Variants in PRUNE2 observed in about 807,000 individuals in gnomAD.
The protein encoded by PRUNE2 is prune homolog 2 with BCH domain, also known as protein prune homolog 2.
A neutral mutation model predicts 252.0 loss-of-function variants in PRUNE2; 164 were observed. The ratio of observed to expected loss-of-function variants is 0.65; its 90% CI spans 0.57 to 0.74. The LOEUF (loss-of-function observed/expected upper bound fraction) is 0.74, where lower values mean the gene tolerates loss of function less well. Ranked by LOEUF, PRUNE2 falls within the 30% of genes least tolerant of loss-of-function variation. PRUNE2 has a pLI of 0.00. For synonymous variants in PRUNE2, 1,292 were observed against 1,350.2 expected (o/e 0.96, Z 0.94); for missense variants, 3,495 against 3,711.0 (o/e 0.94, Z 1.51).
In PRUNE2 at chr9:76,705,110, C is replaced by A; in HGVS notation, c.7164G>T (p.Ser2388=). 2 of 1,613,980 alleles carry A rather than the reference C, an allele frequency of 1.2e-6. No homozygotes were observed. The highest frequency in any genetic ancestry group is 2.2e-5 in the East Asian group (1 of 44,880). ...CAAAGGGAGGTGTGTACGGTGCCAG[C>A]GACTGCTTCAGAGAATCTTCCTCCA... ...PPLEEDSLKQ[S]LAPYTPPFDL... The change falls in exon 8 of 19, where the codon TCG becomes TCT. Residue 2388 remains serine (S), a synonymous_variant. Coordinates refer to ENST00000376718, the MANE Select transcript of PRUNE2 (RefSeq NM_015225.3).
chr9:76,652,611 A>AGAT lies in PRUNE2; in HGVS notation c.8426_8428dup (p.Asn2809_Leu2810insHis), dbSNP rs773931687. 11 of 1,612,846 alleles carry AGAT rather than the reference A, an allele frequency of 6.8e-6. No homozygotes were observed. The African/African-American group carries it at 1.3e-4, about 20-fold the overall frequency. ...AGATCCTTCACTTTGGTCCAGAGAA[A>AGAT]GATTGATATTTGGGGCTGTGAGCTT... On this transcript the variant is annotated inframe_insertion, in exon 11 of 19. Coordinates refer to ENST00000376718, the MANE Select transcript of PRUNE2 (RefSeq NM_015225.3).
At chr9:76,812,718 G>A (rs552093708) in intron 6 of PRUNE2, among the ~76,000 whole-genome samples, 77 of 152,274 alleles carry the variant, frequency 5.1e-4, no homozygotes, top group Non-Finnish European at 9.3e-4. Flanking sequence ...GAATGTGACC[G>A]GAAGCAATTT....
At chr9:76,637,608 T>C in intron 13 of PRUNE2, 59 bp from the exon 14 acceptor site, 1 of 1,484,960 alleles carries the variant, frequency 6.7e-7, no homozygotes, top group Non-Finnish European at 9.3e-7. Flanking sequence ...ACACCATAAT[T>C]ACATAACATC....
intron 5 of PRUNE2, among the ~76,000 whole-genome samples, chr9:76,825,702 C>T (rs918997501): frequency 2.0e-5 from 3 of 152,198 alleles, no homozygotes; most frequent in Admixed American, 6.5e-5. Flanking sequence ...CAGACTGGGA[C>T]GTCAAAGCAC....
intron 6 of PRUNE2, among the ~76,000 whole-genome samples, chr9:76,806,903 T>A (rs2131650051): frequency 6.6e-6 from 1 of 152,128 alleles, no homozygotes; most frequent in African/African-American, 2.4e-5. Context: ...TATGATGCCA[T>A]TTCAAAGACG....
intron 4 of PRUNE2, among the ~76,000 whole-genome samples, chr9:76,845,201 T>C (rs537573087): frequency 6.6e-6 from 1 of 152,308 alleles, no homozygotes; most frequent in South Asian, 2.1e-4. Context: ...GCCAATGTAT[T>C]TGTTTCATAT....
chr9:76,676,270 A>AT (rs5898498), intron 9 of PRUNE2, among the ~76,000 whole-genome samples: 95,505 of 145,372 alleles, frequency 0.66, 33,009 homozygotes, highest in Non-Finnish European at 0.77. Flanking sequence ...TTCCACTCAA[A>AT]TTTTTTTTTT....
intron 14 of PRUNE2, 45 bp downstream of exon 14, chr9:76,637,373 G>A: frequency 6.2e-7 from 1 of 1,602,682 alleles, no homozygotes; most frequent in Non-Finnish European, 8.5e-7. Flanking sequence ...TTAGTCTTCA[G>A]TTTACCAAAA....
chr9:76,738,805 TG>T (rs1035421573), intron 6 of PRUNE2: 3 of 152,238 alleles, frequency 2.0e-5, no homozygotes, highest in Non-Finnish European at 4.4e-5. Context: ...AGGTAACCTC[TG>T]TTTAGAAGTC....
chr9:76,783,284 G>A (rs1183244001), intron 6 of PRUNE2, among the ~76,000 whole-genome samples: 1 of 152,142 alleles, frequency 6.6e-6, no homozygotes, highest in African/African-American at 2.4e-5. Flanking sequence ...TTACAGGCAT[G>A]CACCAGCACG....
chr9:76,688,823 G>C (rs1415537731), intron 9 of PRUNE2, among the ~76,000 whole-genome samples: 1 of 152,146 alleles, frequency 6.6e-6, no homozygotes, highest in Non-Finnish European at 1.5e-5. Flanking sequence ...TCCATCCTTA[G>C]CTTCTCCAGC....
At chr9:76,846,768 G>T in intron 3 of PRUNE2, 90 bp from the exon 4 acceptor site, 2 of 1,190,304 alleles carry the variant, frequency 1.7e-6, no homozygotes, top group African/African-American at 1.5e-5. Flanking sequence ...TCACACAAAT[G>T]GCTTCCTCTC....
chr9:76,881,957 T>C (rs2061816144), intron 1 of PRUNE2, among the ~76,000 whole-genome samples: 1 of 152,138 alleles, frequency 6.6e-6, no homozygotes, highest in African/African-American at 2.4e-5. Context: ...AATTATACAA[T>C]ATGTAATCTT....
intron 6 of PRUNE2, among the ~76,000 whole-genome samples, chr9:76,755,033 C>T (rs1210785330): frequency 4.0e-5 from 6 of 150,898 alleles, no homozygotes; most frequent in Non-Finnish European, 7.4e-5. Context: ...TTTATGGTTC[C>T]TTATCGCTCT....
chr9:76,694,364 G>C (rs1165190168), intron 9 of PRUNE2, among the ~76,000 whole-genome samples: 2 of 152,076 alleles, frequency 1.3e-5, no homozygotes, highest in African/African-American at 4.8e-5. Context: ...TGTATTTTTA[G>C]TAGAGACAGG....
intron 15 of PRUNE2, among the ~76,000 whole-genome samples, chr9:76,630,851 G>A (rs1398674229): frequency 2.0e-5 from 3 of 152,176 alleles, no homozygotes; most frequent in East Asian, 1.9e-4. Context: ...CTTGTGTAAT[G>A]GCAAACTAAT....
intron 6 of PRUNE2, among the ~76,000 whole-genome samples, chr9:76,767,214 G>A (rs1049465056): frequency 7.9e-5 from 12 of 152,294 alleles, no homozygotes; most frequent in Non-Finnish European, 1.3e-4. Context: ...CACTTTGGGA[G>A]GCCGAGGTGG....
At chr9:76,797,660 T>A (rs1033766813) in intron 6 of PRUNE2, among the ~76,000 whole-genome samples, 1 of 152,050 alleles carries the variant, frequency 6.6e-6, no homozygotes, top group African/African-American at 2.4e-5. Context: ...TTTTCATAGA[T>A]CTTGAACCGC....
intron 6 of PRUNE2, among the ~76,000 whole-genome samples, chr9:76,756,103 A>C (rs1040556954): frequency 4.6e-5 from 7 of 152,218 alleles, no homozygotes; most frequent in African/African-American, 7.2e-5. Flanking sequence ...AAGAAAGTGA[A>C]AGTAGATGAA....
Sources: allele counts gnomAD v4.1 joint callset (sites outside exome capture counted in the v4.1 genomes callset), GRCh38; gene constraint gnomAD v4.1.1; transcripts MANE v1.5; gene names NCBI Gene and HGNC (gene_info 2026-07-23, HGNC 2026-07-21).